Variants in CLINT1 observed in about 807,000 individuals in gnomAD.
CLINT1 encodes the protein clathrin interacting protein localized in the trans-Golgi region.
A neutral mutation model predicts 70.4 loss-of-function variants in CLINT1; 15 were observed. That is an observed-to-expected ratio of 0.21 (90% CI 0.14 to 0.33). The LOEUF is 0.33. Ranked by LOEUF, CLINT1 falls within the 10% of genes least tolerant of loss-of-function variation. The pLI, the probability that CLINT1 is intolerant of heterozygous loss-of-function variation, is 1.00. For missense variants in CLINT1, 615 were observed against 778.1 expected (o/e 0.79, Z 2.49); for synonymous variants, 227 against 254.7 (o/e 0.89, Z 1.04).
chr5:157,804,985 CAG>C (rs896405382), intron 7 of CLINT1, among the ~76,000 whole-genome samples: 1 of 152,076 alleles, frequency 6.6e-6, no homozygotes, highest in East Asian at 1.9e-4. Flanking sequence ...ATATTTATTG[CAG>C]AGTGTCATAT....
At chr5:157,807,303 C>G (rs1200377703) in intron 6 of CLINT1, among the ~76,000 whole-genome samples, 1 of 152,114 alleles carries the variant, frequency 6.6e-6, no homozygotes, top group Non-Finnish European at 1.5e-5. Context: ...AAAGCCCTTA[C>G]TAACTTCTCA....
At chr5:157,843,996 A>C (rs1277415147) in intron 1 of CLINT1, among the ~76,000 whole-genome samples, 1 of 152,178 alleles carries the variant, frequency 6.6e-6, no homozygotes, top group African/African-American at 2.4e-5. Context: ...ACAGAATGAT[A>C]AAATGAAAAA....
chr5:157,809,666 G>C lies in CLINT1; in HGVS notation c.657C>G (p.Phe219Leu). The part of the protein sequence containing the change: ...GSTIDDTISK[F>L]RRKDREDSPE... The stretch of plus-strand genomic sequence containing the variant: ...GAGAGTCTTCTCTATCTTTCCTCCG[G>C]AACTTGCTGATGGTGTCATCAATTG... Residue 219 changes from phenylalanine (F) to leucine (L), a missense_variant, in exon 6 of 12, where the codon TTC becomes TTG. By Grantham distance (22) the Phe-to-Leu change is conservative (BLOSUM62 0). Transcript: ENST00000411809. 1 of 1,612,538 alleles carries C rather than the reference G, an allele frequency of 6.2e-7. No individual in the cohort carries two copies. The highest frequency in any genetic ancestry group is 8.5e-7 in the Non-Finnish European group (1 of 1,179,318).
At chr5:157,821,712 G>GT (rs1349648320) in intron 1 of CLINT1, among the ~76,000 whole-genome samples, 1 of 152,140 alleles carries the variant, frequency 6.6e-6, no homozygotes, top group Admixed American at 6.5e-5. Context: ...CTGTTTAAAT[G>GT]TAACAGTTAC....
intron 6 of CLINT1, among the ~76,000 whole-genome samples, chr5:157,807,560 CTG>C (rs1381602632): frequency 6.6e-6 from 1 of 152,078 alleles, no homozygotes; most frequent in African/African-American, 2.4e-5. Flanking sequence ...ATATGCAACT[CTG>C]TCAAAAAATC....
At chr5:157,837,953 C>T (rs113702728) in intron 1 of CLINT1, among the ~76,000 whole-genome samples, 5,215 of 151,966 alleles carry the variant, frequency 0.034, 148 homozygotes, top group Middle Eastern at 0.058. Flanking sequence ...CACAAGCCAC[C>T]GTGCCCAGCC....
At chr5:157,832,611 T>A (rs1379861893) in intron 1 of CLINT1, among the ~76,000 whole-genome samples, 1 of 152,240 alleles carries the variant, frequency 6.6e-6, no homozygotes, top group Non-Finnish European at 1.5e-5. Flanking sequence ...ATCTTCTACA[T>A]GACCACATTA....
At chr5:157,850,709 A>G (rs1235417183) in intron 1 of CLINT1, among the ~76,000 whole-genome samples, 1 of 151,994 alleles carries the variant, frequency 6.6e-6, no homozygotes, top group African/African-American at 2.4e-5. Context: ...AAGTCACTTT[A>G]AAAAGTGATA....
intron 1 of CLINT1, among the ~76,000 whole-genome samples, chr5:157,825,360 C>T (rs1763003575): frequency 6.6e-6 from 1 of 151,966 alleles, no homozygotes; most frequent in South Asian, 2.1e-4. Flanking sequence ...TAAAAATAAC[C>T]ATCAGGAATT....
chr5:157,815,481 C>G (rs1204250591), intron 3 of CLINT1, among the ~76,000 whole-genome samples: 1 of 152,068 alleles, frequency 6.6e-6, no homozygotes, highest in African/African-American at 2.4e-5. Context: ...ACATTTTGAA[C>G]TTAACAATGC....
intron 1 of CLINT1, among the ~76,000 whole-genome samples, chr5:157,843,409 G>A (rs761363724): frequency 6.6e-6 from 1 of 152,150 alleles, no homozygotes; most frequent in South Asian, 2.1e-4. Context: ...TTGGTAGTGG[G>A]TGTCCCAAAA....
chr5:157,796,790 T>G (rs370519383), intron 8 of CLINT1, among the ~76,000 whole-genome samples: 120 of 152,332 alleles, frequency 7.9e-4, no homozygotes, highest in African/African-American at 2.8e-3. Context: ...ATGTGTGTAC[T>G]TGGTATTTCT....
chr5:157,851,686 C>CAAAAAAA (rs34229522), intron 1 of CLINT1, among the ~76,000 whole-genome samples: 2 of 88,958 alleles, frequency 2.2e-5, no homozygotes. Context: ...GACCCCGTCT[C>CAAAAAAA]AAAAAAAAAA....
Position 157,813,059 on chromosome 5 carries a change from T to A in CLINT1, c.517+4A>T. 6.2e-7 allele frequency: 1 copy of A among 1,612,502 alleles called. No individual in the cohort carries two copies. The highest frequency in any genetic ancestry group is 8.5e-7 in the Non-Finnish European group (1 of 1,179,120). ...TTAGGTGTCAGCTTGTCTTTGATACTCACTGTATCTGAATCCTCCAACACT... is the reference window on the plus strand; with the variant it reads ...TTAGGTGTCAGCTTGTCTTTGATACACACTGTATCTGAATCCTCCAACACT... On this transcript the variant is annotated splice_donor_region_variant and intron_variant, in intron 5 of 11. Coordinates refer to ENST00000411809, the MANE Select transcript of CLINT1 (RefSeq NM_014666.4).
At chr5:157,853,155 C>G (rs1753630018) in intron 1 of CLINT1, among the ~76,000 whole-genome samples, 1 of 152,000 alleles carries the variant, frequency 6.6e-6, no homozygotes, top group Admixed American at 6.6e-5. Flanking sequence ...CGAGACCAGC[C>G]TGGCCAAAGT....
chr5:157,790,381 T>TAGGAGAAAGAAGAAATTC (rs1449495365), intron 10 of CLINT1: 1 of 288,616 alleles, frequency 3.5e-6, no homozygotes, highest in African/African-American at 2.2e-5. Flanking sequence ...TGGAACAATG[T>TAGGAGAAAGAAGAAATTC]AGGAGAAAGA....
chr5:157,852,431 G>A (rs1753606112), intron 1 of CLINT1, among the ~76,000 whole-genome samples: 1 of 152,118 alleles, frequency 6.6e-6, no homozygotes, highest in African/African-American at 2.4e-5. Flanking sequence ...ATGATTTCAT[G>A]GATGAAGATA....
chr5:157,788,725 TG>T (rs1761802964), intron 11 of CLINT1, among the ~76,000 whole-genome samples: 5 of 152,192 alleles, frequency 3.3e-5, no homozygotes, highest in Admixed American at 3.3e-4. Flanking sequence ...CCCAGCACTT[TG>T]GGAGGCCAAG....
At chr5:157,844,972 G>C (rs144330264) in intron 1 of CLINT1, among the ~76,000 whole-genome samples, 5 of 152,170 alleles carry the variant, frequency 3.3e-5, no homozygotes, top group African/African-American at 1.2e-4. Flanking sequence ...TCAGAATATT[G>C]CAAGAGGTCA....
Sources: allele counts gnomAD v4.1 joint callset (sites outside exome capture counted in the v4.1 genomes callset), GRCh38; gene constraint gnomAD v4.1.1; transcripts MANE v1.5; gene names NCBI Gene and HGNC (gene_info 2026-07-23, HGNC 2026-07-21).